The following NTM variants were observed in gnomAD, a reference collection of about 807,000 sequenced individuals.
NTM encodes IgLON family member 2.
Under a neutral mutation model 42.1 loss-of-function variants are expected in NTM, and 13 were observed. The ratio of observed to expected loss-of-function variants is 0.31; its 90% confidence interval spans 0.20 to 0.49. NTM has a LOEUF of 0.49. Ranked by LOEUF, NTM falls within the 20% of genes least tolerant of loss-of-function variation. The pLI, the probability that NTM is intolerant of heterozygous loss-of-function variation, is 0.99. For missense variants in NTM, 373 were observed against 452.8 expected, an observed-to-expected ratio of 0.82 and a Z score of 1.60; for synonymous variants, 187 against 179.2, an observed-to-expected ratio of 1.04 and a Z score of -0.35.
At position 132,213,976 on chromosome 11, in the gene NTM, C is replaced by T. The variant is rs948218684; in HGVS notation, c.526+1829C>T. 2.4e-4 allele frequency among the ~76,000 whole-genome samples: 15 copies of T among 61,676 alleles called. 4 individuals carry two copies. The highest frequency in any genetic ancestry group is 5.3e-4 in the African/African-American group (11 of 20,748). The allele number at this position is 61,676 out of a possible 152,430, so 40.5% of individuals were successfully genotyped here. A position where few individuals can be genotyped will look rare whatever the true frequency, so the allele number is the denominator to read the frequency against. On this transcript the variant is annotated intron_variant, in intron 4 of 8. Transcript: ENST00000683400. ...GTCTCGATCTCCTGACCTCGTGATC[C>T]GCCCGCCTCGGCCTCCCAAAGTGCT...
intron 4 of NTM, among the ~76,000 whole-genome samples, chr11:132,254,903 C>T (rs1399597343): frequency 1.3e-5 from 2 of 152,206 alleles, no homozygotes; most frequent in Admixed American, 6.5e-5. Flanking sequence ...TACCGGGCAA[C>T]ACCCCTTATC....
intron 1 of NTM, among the ~76,000 whole-genome samples, chr11:131,718,147 G>A (rs2077921427): frequency 6.6e-6 from 1 of 151,976 alleles, no homozygotes; most frequent in African/African-American, 2.4e-5. Flanking sequence ...TCTATTTATG[G>A]AAAATAATGG....
chr11:131,791,804 G>T (rs2090978484), intron 1 of NTM, among the ~76,000 whole-genome samples: 1 of 152,210 alleles, frequency 6.6e-6, no homozygotes, highest in African/African-American at 2.4e-5. Flanking sequence ...TACCAAATAT[G>T]GCTTTGGAGG....
intron 1 of NTM, among the ~76,000 whole-genome samples, chr11:131,566,852 G>C (rs995485245): frequency 2.6e-5 from 4 of 152,196 alleles, no homozygotes; most frequent in East Asian, 1.9e-4. Context: ...CTTGTTTGCA[G>C]ATTATTTTCC....
intron 3 of NTM, among the ~76,000 whole-genome samples, chr11:132,176,546 C>CA (rs906886144): frequency 3.3e-5 from 5 of 151,244 alleles, no homozygotes; most frequent in African/African-American, 1.2e-4. Context: ...TGGTGTTTAA[C>CA]AAAAAATAAA....
intron 2 of NTM, among the ~76,000 whole-genome samples, chr11:131,921,471 C>T (rs766720133): frequency 6.6e-5 from 10 of 152,128 alleles, no homozygotes; most frequent in South Asian, 2.1e-4. Context: ...CCTGCCAACA[C>T]GGTGATCTCC....
intron 2 of NTM, among the ~76,000 whole-genome samples, chr11:131,999,368 T>A (rs532925687): frequency 6.6e-6 from 1 of 152,316 alleles, no homozygotes; most frequent in East Asian, 1.9e-4. Context: ...ATCTTAGTAC[T>A]TGAGCAATGC....
At chr11:132,040,104 GT>G (rs34937917) in intron 2 of NTM, among the ~76,000 whole-genome samples, 60,676 of 151,556 alleles carry the variant, frequency 0.4, 13,981 homozygotes, top group East Asian at 0.78. Context: ...AATTTTTTGT[GT>G]TTTTATTAGA....
intron 1 of NTM, among the ~76,000 whole-genome samples, chr11:131,682,049 C>T (rs1592528894): frequency 6.6e-6 from 1 of 152,146 alleles, no homozygotes; most frequent in Non-Finnish European, 1.5e-5. Flanking sequence ...AGGACCCAGC[C>T]CCTAGGGCTG....
At chr11:132,216,910 C>T (rs1370988769) in intron 4 of NTM, among the ~76,000 whole-genome samples, 1 of 152,224 alleles carries the variant, frequency 6.6e-6, no homozygotes, top group African/African-American at 2.4e-5. Context: ...GATCTCCAAG[C>T]CTTTCCTGAA....
chr11:131,793,230 C>A (rs1180721216), intron 1 of NTM, among the ~76,000 whole-genome samples: 1 of 152,174 alleles, frequency 6.6e-6, no homozygotes, highest in Admixed American at 6.5e-5. Context: ...GGTAATGCTA[C>A]TATTATTTGG....
chr11:131,389,411 G>A (rs980841635), intron 1 of NTM, among the ~76,000 whole-genome samples: 4 of 152,180 alleles, frequency 2.6e-5, no homozygotes, highest in African/African-American at 4.8e-5. Context: ...GCAGCCTGGC[G>A]GGCGGCAGAA....
At chr11:131,634,615 T>C (rs893342197) in intron 1 of NTM, among the ~76,000 whole-genome samples, 1 of 148,030 alleles carries the variant, frequency 6.8e-6, no homozygotes, top group Non-Finnish European at 1.5e-5. Flanking sequence ...AACTTTAGGA[T>C]GATTTTATAC....
chr11:131,544,927 G>C (rs2053732048), intron 1 of NTM, among the ~76,000 whole-genome samples: 1 of 152,148 alleles, frequency 6.6e-6, no homozygotes, highest in African/African-American at 2.4e-5. Flanking sequence ...CTTACCAATA[G>C]CTTGATCATT....
At chr11:132,006,126 C>G (rs1345067010) in intron 2 of NTM, among the ~76,000 whole-genome samples, 1 of 152,074 alleles carries the variant, frequency 6.6e-6, no homozygotes, top group East Asian at 1.9e-4. Context: ...TTGACAACTC[C>G]TTTAATAAGA....
intron 1 of NTM, among the ~76,000 whole-genome samples, chr11:131,692,097 G>A (rs1277204765): frequency 6.6e-6 from 1 of 152,170 alleles, no homozygotes; most frequent in Non-Finnish European, 1.5e-5. Flanking sequence ...GGAGTCACAG[G>A]CTGACACTTC....
chr11:131,883,215 T>C (rs1471397490), intron 1 of NTM, among the ~76,000 whole-genome samples: 1 of 152,230 alleles, frequency 6.6e-6, no homozygotes, highest in Non-Finnish European at 1.5e-5. Flanking sequence ...CCAATTATAG[T>C]GCATCTTCTA....
chr11:131,775,992 A>C (rs1165135582), intron 1 of NTM, among the ~76,000 whole-genome samples: 1 of 152,052 alleles, frequency 6.6e-6, no homozygotes, highest in Non-Finnish European at 1.5e-5. Context: ...GGGCCAGGAA[A>C]CTCAACAGAA....
At chr11:131,526,713 C>G (rs1197188580) in intron 1 of NTM, among the ~76,000 whole-genome samples, 2 of 152,052 alleles carry the variant, frequency 1.3e-5, no homozygotes, top group Admixed American at 6.5e-5. Flanking sequence ...AGGTTGGGAA[C>G]AGGAAGGAAT....
Sources: gnomAD v4.1 joint callset for allele counts (sites outside exome capture counted in the v4.1 genomes callset) on GRCh38, gnomAD v4.1.1 for gene constraint, MANE v1.5 for transcripts, NCBI Gene and HGNC (gene_info 2026-07-23, HGNC 2026-07-21) for gene names.